The following PSD3 variants were observed in gnomAD, a reference collection of about 807,000 sequenced individuals.
The protein encoded by PSD3 is pleckstrin and Sec7 domain containing 3.
A neutral mutation model predicts 105.5 loss-of-function variants in PSD3; 49 were observed. The observed-to-expected ratio is 0.46, with a 90% confidence interval of 0.37 to 0.59. PSD3 has a LOEUF of 0.59. Ranked by LOEUF, PSD3 falls within the 20% of genes least tolerant of loss-of-function variation. The pLI, the probability that PSD3 is intolerant of heterozygous loss-of-function variation, is 0.00. For synonymous variants in PSD3, 557 were observed against 457.8 expected (o/e 1.22, Z -2.77); for missense variants, 1,561 against 1,263.8 (o/e 1.24, Z -3.57).
chr8:18,974,558 G>A (rs1563478478), intron 1 of PSD3, among the ~76,000 whole-genome samples: 1 of 151,970 alleles, frequency 6.6e-6, no homozygotes, highest in Non-Finnish European at 1.5e-5. Context: ...CCCACTACGC[G>A]CTAGTCCCAG....
At chr8:18,975,867 G>A (rs1187428683) in intron 1 of PSD3, among the ~76,000 whole-genome samples, 1 of 151,980 alleles carries the variant, frequency 6.6e-6, no homozygotes, top group Non-Finnish European at 1.5e-5. Flanking sequence ...ATAATATTAT[G>A]TAATATCATT....
chr8:18,955,374 G>C (rs1422117141), intron 1 of PSD3, among the ~76,000 whole-genome samples: 2 of 152,088 alleles, frequency 1.3e-5, no homozygotes, highest in Non-Finnish European at 2.9e-5. Context: ...CTGAGTAGCT[G>C]GGACTATAGG....
intron 10 of PSD3, among the ~76,000 whole-genome samples, chr8:18,636,019 T>C (rs940547275): frequency 6.6e-6 from 1 of 152,132 alleles, no homozygotes; most frequent in Non-Finnish European, 1.5e-5. Context: ...GTAACAAACC[T>C]GCAGGTTCTG....
chr8:18,802,230 AAT>A, intron 6 of PSD3: 1 of 244,762 alleles, frequency 4.1e-6, no homozygotes, highest in South Asian at 4.7e-5. Context: ...TATGTATAAA[AAT>A]ATCTTTAAAT....
chr8:18,548,525 T>A (rs559111942), intron 15 of PSD3, among the ~76,000 whole-genome samples: 13 of 152,282 alleles, frequency 8.5e-5, no homozygotes, highest in African/African-American at 2.9e-4. Context: ...TATGGACATA[T>A]CTACTCTATA....
intron 4 of PSD3, among the ~76,000 whole-genome samples, chr8:18,840,751 G>T (rs564961502): frequency 6.6e-6 from 1 of 152,264 alleles, no homozygotes; most frequent in Admixed American, 6.5e-5. Flanking sequence ...TCTGGGAGAG[G>T]TCTGTCAGGC....
chr8:18,953,285 ATATC>A (rs1460324038), intron 1 of PSD3, among the ~76,000 whole-genome samples: 1 of 150,214 alleles, frequency 6.7e-6, no homozygotes, highest in Non-Finnish European at 1.5e-5. Flanking sequence ...ATGTTCATAT[ATATC>A]TGTCTCTCTC....
chr8:18,598,921 T>C (rs553145550), intron 12 of PSD3, among the ~76,000 whole-genome samples: 1 of 152,232 alleles, frequency 6.6e-6, no homozygotes, highest in East Asian at 1.9e-4. Context: ...AGACATTCCA[T>C]CTTCAGGGAT....
At chr8:19,075,983 C>T (rs1829451880) in intron 1 of PSD3, among the ~76,000 whole-genome samples, 1 of 152,130 alleles carries the variant, frequency 6.6e-6, no homozygotes, top group Non-Finnish European at 1.5e-5. Context: ...TACTTTTTCT[C>T]CAAAGAGCTT....
Position 18,872,044 on chromosome 8 carries a change from A to G in PSD3, c.820T>C (p.Ser274Pro), listed in dbSNP as rs774728405. Residue 274 changes from serine (S) to proline (P), a missense_variant, in exon 3 of 16, where the codon TCT becomes CCT. Transcript: ENST00000327040. ...CCTGGGTGCTCTCTCCCAAGAGCAG[A>G]CCTCTGCTCTTTCAAGAAACCAACA... Reference protein sequence around the residue: ...GSVGFLKEQRSALGREHPGGC... With the variant: ...GSVGFLKEQRPALGREHPGGC... The G allele has an allele frequency of 6.2e-7, 1 of 1,614,082 alleles. No individual in the cohort carries two copies. The highest frequency in any genetic ancestry group is 8.5e-7 in the Non-Finnish European group (1 of 1,180,016).
In PSD3 at chr8:18,789,325, A is replaced by T. The variant is rs576342566; in HGVS notation, c.2082+9970T>A. ...TGCAACCGACTATAAACACAAACAG[A>T]TATGAGAATCTAGCCATCTTTTACT... On this transcript the variant is annotated intron_variant, in intron 8 of 15. Transcript: ENST00000327040. 2.0e-5 allele frequency among the ~76,000 whole-genome samples: 3 copies of T among 152,340 alleles called. No homozygotes were observed. The South Asian group carries it at 6.2e-4, about 32-fold the overall frequency.
At chr8:18,676,979 C>T (rs1800098183) in intron 9 of PSD3, among the ~76,000 whole-genome samples, 2 of 152,216 alleles carry the variant, frequency 1.3e-5, no homozygotes, top group African/African-American at 2.4e-5. Flanking sequence ...AAACACATCA[C>T]CTACACTTTA....
At chr8:18,929,341 C>T (rs773985034) in intron 2 of PSD3, among the ~76,000 whole-genome samples, 1 of 152,052 alleles carries the variant, frequency 6.6e-6, no homozygotes, top group Non-Finnish European at 1.5e-5. Context: ...GTTATCCTAA[C>T]AGTAGAGCCA....
At chr8:18,918,041 T>G (rs921744033) in intron 2 of PSD3, among the ~76,000 whole-genome samples, 2 of 152,196 alleles carry the variant, frequency 1.3e-5, no homozygotes, top group Admixed American at 6.5e-5. Flanking sequence ...CCAGACTGAT[T>G]TCCTAAACCC....
intron 4 of PSD3, among the ~76,000 whole-genome samples, chr8:18,841,415 T>C (rs77340239): frequency 6.6e-6 from 1 of 152,112 alleles, no homozygotes. Context: ...AAACAGCTGA[T>C]AAAACTTAAA....
At chr8:19,011,206 G>A (rs1430751806) in intron 1 of PSD3, among the ~76,000 whole-genome samples, 1 of 152,086 alleles carries the variant, frequency 6.6e-6, no homozygotes, top group Non-Finnish European at 1.5e-5. Flanking sequence ...TTAAGCCAAA[G>A]CAGATACACA....
Position 18,872,282 on chromosome 8 carries a change from T to C in PSD3, c.582A>G (p.Leu194=), listed in dbSNP as rs1330906981. 1 of 1,614,222 alleles carries C rather than the reference T, an allele frequency of 6.2e-7. No individual in the cohort carries two copies. The highest frequency in any genetic ancestry group is 1.3e-5 in the African/African-American group (1 of 75,074). ...CTTCAGCTGAAAGAGGTATTTCTGGTAAATTTTTTTGGCCAGCAGGGAGCG... is the reference window on the plus strand; with the variant it reads ...CTTCAGCTGAAAGAGGTATTTCTGGCAAATTTTTTTGGCCAGCAGGGAGCG... ...NKTLPAGQKN[L]PEIPLSAEVT... The change falls in exon 3 of 16, where the codon TTA becomes TTG. Residue 194 remains leucine, a synonymous_variant. Transcript: ENST00000327040.
At chr8:18,960,092 T>C (rs1823819525) in intron 1 of PSD3, among the ~76,000 whole-genome samples, 1 of 152,216 alleles carries the variant, frequency 6.6e-6, no homozygotes, top group Non-Finnish European at 1.5e-5. Flanking sequence ...GGCACTGTTT[T>C]GATTCAACAT....
At chr8:19,000,868 C>T (rs190789671) in intron 1 of PSD3, 3 of 151,928 alleles carry the variant, frequency 2.0e-5, no homozygotes, top group African/African-American at 4.8e-5. Flanking sequence ...AACTCATTCG[C>T]TAAAGAAACA....
Sources: gnomAD v4.1 joint callset for allele counts (sites outside exome capture counted in the v4.1 genomes callset) on GRCh38, gnomAD v4.1.1 for gene constraint, MANE v1.5 for transcripts, NCBI Gene and HGNC (gene_info 2026-07-23, HGNC 2026-07-21) for gene names.